Variants in KCNMA1 observed in about 807,000 individuals in gnomAD.
KCNMA1 encodes potassium calcium-activated channel subfamily M alpha 1.
KCNMA1 carries 29 observed loss-of-function variants against 140.0 expected under a neutral mutation model. The observed-to-expected ratio is 0.21, with a 90% CI of 0.15 to 0.28. The LOEUF (loss-of-function observed/expected upper bound fraction) is 0.28, where lower values mean the gene tolerates loss of function less well. KCNMA1 is among the 10% of genes least tolerant of loss of function. The pLI is 1.00. For missense variants in KCNMA1, 880 were observed against 1,602.2 expected (o/e 0.55, Z 7.70); for synonymous variants, 612 against 611.9 (o/e 1.00, Z 0.00).
chr10:77,129,601 G>T (rs1422481488), intron 5 of KCNMA1, among the ~76,000 whole-genome samples: 5 of 152,068 alleles, frequency 3.3e-5, no homozygotes, highest in South Asian at 4.1e-4. Flanking sequence ...AAAGCATTCA[G>T]CTTAAGATTT....
chr10:77,263,799 T>C (rs1834571332), intron 2 of KCNMA1, among the ~76,000 whole-genome samples: 1 of 152,090 alleles, frequency 6.6e-6, no homozygotes, highest in Non-Finnish European at 1.5e-5. Flanking sequence ...ACACTCCATT[T>C]TCTCCTCTGC....
chr10:77,219,479 C>T (rs951697679), intron 3 of KCNMA1, among the ~76,000 whole-genome samples: 2 of 152,112 alleles, frequency 1.3e-5, no homozygotes, highest in Non-Finnish European at 2.9e-5. Context: ...TGGCTTTTCC[C>T]TGAGCCCTAA....
intron 6 of KCNMA1, among the ~76,000 whole-genome samples, chr10:77,118,332 G>A (rs544442959): frequency 6.6e-6 from 1 of 152,264 alleles, no homozygotes; most frequent in Admixed American, 6.5e-5. Flanking sequence ...CCACACTTGG[G>A]GATGCCCAAA....
chr10:77,142,143 G>A (rs148197460), intron 5 of KCNMA1, among the ~76,000 whole-genome samples: 2,003 of 152,164 alleles, frequency 0.013, 55 homozygotes, highest in African/African-American at 0.046. Flanking sequence ...CGAGGCAGGC[G>A]GATCACAAGG....
At chr10:76,992,960 T>C (rs888679847) in intron 19 of KCNMA1, among the ~76,000 whole-genome samples, 6 of 152,198 alleles carry the variant, frequency 3.9e-5, no homozygotes, top group Non-Finnish European at 8.8e-5. Flanking sequence ...CCCCCATCGA[T>C]GTAAGGAGAC....
At chr10:77,535,102 G>T (rs2058594148) in intron 1 of KCNMA1, among the ~76,000 whole-genome samples, 1 of 152,172 alleles carries the variant, frequency 6.6e-6, no homozygotes, top group Non-Finnish European at 1.5e-5. Flanking sequence ...GGTGGCGCAT[G>T]AATTATAATT....
At chr10:76,937,283 C>A (rs1565028272) in intron 23 of KCNMA1, among the ~76,000 whole-genome samples, 2 of 152,216 alleles carry the variant, frequency 1.3e-5, no homozygotes, top group African/African-American at 2.4e-5. Context: ...TGGCTTTGTT[C>A]TCTTAACCAC....
In KCNMA1 at chr10:77,158,280, A is replaced by G. The variant is rs368681688; in HGVS notation, c.808+25141T>C. Reference sequence around the variant, plus strand: ...TGACCTAGTCATTGGCTCAAGATTAAAAGCTATAATAGACCCTTTGATCCT... The same window carrying G: ...TGACCTAGTCATTGGCTCAAGATTAGAAGCTATAATAGACCCTTTGATCCT... On this transcript the variant is annotated intron_variant, in intron 5 of 27. Coordinates refer to ENST00000286628, the MANE Select transcript of KCNMA1 (RefSeq NM_001161352.2). Among the ~76,000 whole-genome samples the G allele has an allele frequency of 1.3e-4, 20 of 152,294 alleles. No individual in the cohort carries two copies. The East Asian group carries it at 3.1e-3, about 24-fold the overall frequency.
chr10:77,593,979 A>G (rs1199690782), intron 1 of KCNMA1, among the ~76,000 whole-genome samples: 1 of 152,124 alleles, frequency 6.6e-6, no homozygotes, highest in Admixed American at 6.6e-5. Flanking sequence ...AGTATTCTCC[A>G]TTTGTCTCCC....
At chr10:77,469,369 G>A (rs1201956027) in intron 1 of KCNMA1, among the ~76,000 whole-genome samples, 6 of 152,168 alleles carry the variant, frequency 3.9e-5, no homozygotes, top group Admixed American at 2.6e-4. Context: ...ACACCACTCT[G>A]GACAGTTTGC....
At chr10:77,217,392 A>G (rs866837110) in intron 3 of KCNMA1, 3 of 389,608 alleles carry the variant, frequency 7.7e-6, no homozygotes, top group African/African-American at 2.0e-5. Context: ...GTAGATGCCC[A>G]TCAATCCCAT....
chr10:77,362,903 G>A (rs1437939151), intron 2 of KCNMA1, among the ~76,000 whole-genome samples: 4 of 152,204 alleles, frequency 2.6e-5, no homozygotes, highest in African/African-American at 9.6e-5. Context: ...AAGTGTGAGA[G>A]AGGCAGATAC....
At chr10:77,306,561 A>T (rs779990226) in intron 2 of KCNMA1, among the ~76,000 whole-genome samples, 1 of 152,254 alleles carries the variant, frequency 6.6e-6, no homozygotes, top group Non-Finnish European at 1.5e-5. Flanking sequence ...GGATATAATA[A>T]GATTAGGTTT....
intron 2 of KCNMA1, among the ~76,000 whole-genome samples, chr10:77,348,935 A>G (rs2092546787): frequency 6.6e-6 from 1 of 152,232 alleles, no homozygotes; most frequent in Admixed American, 6.5e-5. Context: ...GAGCAAATCT[A>G]AAATCTAGTG....
At chr10:77,225,690 C>A (rs527398635) in intron 3 of KCNMA1, among the ~76,000 whole-genome samples, 2 of 152,196 alleles carry the variant, frequency 1.3e-5, no homozygotes, top group East Asian at 3.9e-4. Flanking sequence ...ACTGAAGAGG[C>A]CTTTGTGGCC....
At chr10:77,612,134 C>T (rs1233903996) in intron 1 of KCNMA1, among the ~76,000 whole-genome samples, 1 of 152,098 alleles carries the variant, frequency 6.6e-6, no homozygotes, top group African/African-American at 2.4e-5. Context: ...ATATGGAGGC[C>T]ACAGGACATC....
intron 1 of KCNMA1, among the ~76,000 whole-genome samples, chr10:77,462,081 C>CACACGG (rs1183572967): frequency 6.6e-6 from 1 of 151,668 alleles, no homozygotes; most frequent in African/African-American, 2.4e-5. Flanking sequence ...CATACACATA[C>CACACGG]ACACGGACAC....
chr10:77,168,649 G>A (rs748113455), intron 5 of KCNMA1, among the ~76,000 whole-genome samples: 2 of 152,130 alleles, frequency 1.3e-5, no homozygotes, highest in Admixed American at 1.3e-4. Flanking sequence ...TAGCAGGACT[G>A]TACATAGCAG....
chr10:77,445,745 T>G (rs1293210207), intron 1 of KCNMA1, among the ~76,000 whole-genome samples: 1 of 152,168 alleles, frequency 6.6e-6, no homozygotes, highest in Non-Finnish European at 1.5e-5. Context: ...ACCAGGGACC[T>G]GCTTACTGTC....
Sources: allele counts gnomAD v4.1 joint callset (sites outside exome capture counted in the v4.1 genomes callset), GRCh38; gene constraint gnomAD v4.1.1; transcripts MANE v1.5; gene names NCBI Gene and HGNC (gene_info 2026-07-23, HGNC 2026-07-21).